Variants in DNA2 observed in about 807,000 individuals in gnomAD.
DNA2 encodes DNA replication helicase/nuclease 2.
In DNA2, 101 loss-of-function variants were observed where a neutral mutation model predicts 119.1. The observed-to-expected ratio is 0.85, with a 90% CI of 0.72 to 1.00. DNA2 has a LOEUF of 1.00. Ranked by LOEUF, DNA2 falls within the 50% of genes least tolerant of loss-of-function variation. The pLI is 0.00. For missense variants in DNA2, 1,121 were observed against 1,255.5 expected, an observed-to-expected ratio of 0.89 and a Z score of 1.62; for synonymous variants, 366 against 424.4, an observed-to-expected ratio of 0.86 and a Z score of 1.69.
intron 10 of DNA2, among the ~76,000 whole-genome samples, chr10:68,433,912 C>G (rs1461732169): frequency 6.6e-6 from 1 of 152,200 alleles, no homozygotes; most frequent in African/African-American, 2.4e-5. Context: ...ATAGTATTCT[C>G]TTCTCACACT....
Position 68,431,915 on chromosome 10 carries a change from T to A in DNA2, c.1930A>T (p.Thr644Ser). 6.2e-7 allele frequency: 1 copy of A among 1,613,930 alleles called. No individual in the cohort carries two copies. Among genetic ancestry groups the A allele is most frequent in the Non-Finnish European group, 8.5e-7 (1 of 1,179,854 alleles). Reference protein sequence around the residue: ...MKKVLLSKDYTLIVGMPGTGK... With the variant: ...MKKVLLSKDYSLIVGMPGTGK... ...GTCCCAGGCATACCCACGATGAGTG[T>A]GTAGTCTTTTGAAAGAAGTACCTTT... The change falls in exon 13 of 21, where the codon ACA becomes TCA. Residue 644 changes from threonine to serine, a missense_variant. Physicochemically the swap from Thr to Ser is moderately conservative, Grantham distance 58 (BLOSUM62 1). Transcript: ENST00000358410.
At position 68,422,236 on chromosome 10, in the gene DNA2, T is replaced by G. The variant is rs1411733364; in HGVS notation, c.2686A>C (p.Asn896His). Residue 896 changes from asparagine (N) to histidine (H), a missense_variant, in exon 17 of 21, where the codon AAT (asparagine) becomes CAT (histidine). Coordinates refer to ENST00000358410, the MANE Select transcript of DNA2 (RefSeq NM_001080449.3). ...ATTTTTTTTTTTACCTTGTCTGTAT[T>G]AAGGAAACAAACAGGATTGTTGGGT... ...FEPNNPVCFL[N>H]TDKVPAPEQV... The G allele has an allele frequency of 6.3e-7, 1 of 1,594,192 alleles. No individual in the cohort carries two copies. Among genetic ancestry groups the G allele is most frequent in the Non-Finnish European group, 8.5e-7 (1 of 1,172,728 alleles).
intron 14 of DNA2, among the ~76,000 whole-genome samples, chr10:68,425,317 A>G (rs1219950205): frequency 6.6e-6 from 1 of 151,318 alleles, no homozygotes; most frequent in Admixed American, 6.6e-5. Flanking sequence ...GCTGGTCTCG[A>G]ACGCCTGACC....
chr10:68,420,727 G>A (rs2051653589), intron 17 of DNA2, among the ~76,000 whole-genome samples: 1 of 142,302 alleles, frequency 7.0e-6, no homozygotes, highest in Non-Finnish European at 1.5e-5. Flanking sequence ...TGAGACACCA[G>A]GAGATTGCAC....
chr10:68,463,020 T>C (rs1459539588), intron 4 of DNA2, among the ~76,000 whole-genome samples: 3 of 150,994 alleles, frequency 2.0e-5, no homozygotes, highest in Admixed American at 6.6e-5. Flanking sequence ...TAATCCCAGC[T>C]AAAGAGAAGG....
intron 3 of DNA2, among the ~76,000 whole-genome samples, 183 bp from the exon 4 acceptor site, chr10:68,465,995 T>C (rs551907622): frequency 2.0e-5 from 3 of 152,270 alleles, no homozygotes; most frequent in Admixed American, 6.5e-5. Context: ...CTATCCAGAA[T>C]TGTCTGAATT....
intron 5 of DNA2, among the ~76,000 whole-genome samples, chr10:68,451,191 C>A (rs905028910): frequency 6.6e-6 from 1 of 151,704 alleles, no homozygotes; most frequent in African/African-American, 2.4e-5. Flanking sequence ...CCCCAGGTGA[C>A]AATCTTCAAA....
intron 17 of DNA2, among the ~76,000 whole-genome samples, chr10:68,421,753 A>C (rs558689588): frequency 6.6e-6 from 1 of 152,270 alleles, no homozygotes; most frequent in South Asian, 2.1e-4. Flanking sequence ...AAAAAAGAAA[A>C]AGAAAGGAAA....
intron 14 of DNA2, among the ~76,000 whole-genome samples, chr10:68,425,808 T>TA (rs369267865): frequency 0.031 from 4,628 of 149,700 alleles, 227 homozygotes; most frequent in African/African-American, 0.11. Flanking sequence ...GTTTCATAAT[T>TA]CAAAAAAAAA....
chr10:68,450,804 A>C (rs1412319570), intron 5 of DNA2, among the ~76,000 whole-genome samples: 1 of 152,206 alleles, frequency 6.6e-6, no homozygotes, highest in Admixed American at 6.5e-5. Context: ...GTATTCCTTC[A>C]CATAACACTA....
chr10:68,420,327 A>G (rs1033567791), intron 17 of DNA2, among the ~76,000 whole-genome samples: 9 of 152,204 alleles, frequency 5.9e-5, no homozygotes, highest in Non-Finnish European at 1.0e-4. Flanking sequence ...TCACAAGGTC[A>G]GGAGTTGGAG....
At chr10:68,450,285 CT>C (rs1374321576) in intron 5 of DNA2, 38 bp from the exon 6 acceptor site, 1 of 1,440,500 alleles carries the variant, frequency 6.9e-7, no homozygotes, top group Non-Finnish European at 9.5e-7. Flanking sequence ...TTAATTAGAA[CT>C]CTTAGCTCAT....
chr10:68,429,448 G>A (rs2051786673), intron 14 of DNA2, among the ~76,000 whole-genome samples: 1 of 151,370 alleles, frequency 6.6e-6, no homozygotes. Context: ...GGAGGCTGAA[G>A]CAGGAGAATC....
intron 9 of DNA2, among the ~76,000 whole-genome samples, chr10:68,442,031 T>A (rs2051975509): frequency 6.6e-6 from 1 of 150,854 alleles, no homozygotes; most frequent in African/African-American, 2.4e-5. Flanking sequence ...GCTCAAGCCA[T>A]CCTCCCACCT....
intron 3 of DNA2, among the ~76,000 whole-genome samples, chr10:68,467,038 T>C (rs973971719): frequency 3.3e-5 from 5 of 152,112 alleles, no homozygotes; most frequent in East Asian, 1.9e-4. Context: ...AAAATAAAAG[T>C]ACGTTTCAAG....
Position 68,450,070 on chromosome 10 carries a change from A to C in DNA2, c.897T>G (p.Leu299=), listed in dbSNP as rs535561578. The change falls in exon 6 of 21, where the codon CTT becomes CTG. Residue 299 remains leucine (L), a synonymous_variant. Transcript: ENST00000358410. The part of the protein sequence containing the change: ...KTKYKIMPLE[L]KTGKESNSIE... Reference sequence around the variant, plus strand: ...TAGAATTTGATTCTTTGCCAGTTTTAAGTTCCAGCGGCATTATCTTGTATT... The same window carrying C: ...TAGAATTTGATTCTTTGCCAGTTTTCAGTTCCAGCGGCATTATCTTGTATT... The C allele has an allele frequency of 2.4e-5, 39 of 1,601,134 alleles. No homozygotes were observed. In the South Asian group the frequency reaches 3.9e-4, roughly 16 times the overall value.
At chr10:68,458,792 G>C (rs1310641475) in intron 5 of DNA2, among the ~76,000 whole-genome samples, 3 of 152,006 alleles carry the variant, frequency 2.0e-5, no homozygotes, top group Non-Finnish European at 4.4e-5. Flanking sequence ...AGGTTGCCGG[G>C]AGCAGAGATC....
intron 14 of DNA2, among the ~76,000 whole-genome samples, chr10:68,430,115 G>A (rs2051800626): frequency 6.6e-6 from 1 of 151,764 alleles, no homozygotes; most frequent in South Asian, 2.1e-4. Context: ...TTGAACTCTT[G>A]ACCTCATGAT....
chr10:68,450,035 C>T lies in DNA2; in HGVS notation c.932G>A (p.Arg311His), dbSNP rs191433666. 75 of 1,571,940 alleles carry T rather than the reference C, an allele frequency of 4.8e-5. No individual in the cohort carries two copies. Among genetic ancestry groups the T allele is most frequent in the Admixed American group, 4.2e-4 (23 of 54,800 alleles). The change falls in exon 6 of 21, where the codon CGT (arginine) becomes CAT (histidine). Residue 311 changes from arginine (R) to histidine (H), a missense_variant. By Grantham distance (29) the Arg-to-His change is conservative (BLOSUM62 0). Coordinates refer to ENST00000358410, the MANE Select transcript of DNA2 (RefSeq NM_001080449.3). Reference protein sequence around the residue: ...TGKESNSIEHRSQVVLYTLLS... With the variant: ...TGKESNSIEHHSQVVLYTLLS... ...TCTTATTAACATTTATACCTGACTA[C>T]GGTGTTCAATAGAATTTGATTCTTT...
Sources: allele counts gnomAD v4.1 joint callset (sites outside exome capture counted in the v4.1 genomes callset), GRCh38; gene constraint gnomAD v4.1.1; transcripts MANE v1.5; gene names NCBI Gene and HGNC (gene_info 2026-07-23, HGNC 2026-07-21).